The following MIPEP variants were observed in gnomAD, a reference collection of about 807,000 sequenced individuals.
The protein encoded by MIPEP is mitochondrial intermediate peptidase.
A neutral mutation model predicts 90.3 loss-of-function variants in MIPEP; 79 were observed. The observed-to-expected ratio is 0.87, with a 90% CI of 0.73 to 1.05. MIPEP has a LOEUF of 1.05. Among genes scored for constraint, MIPEP ranks in the 50% least tolerant of loss-of-function variants. The pLI is 0.00. For missense variants in MIPEP, 940 were observed against 905.6 expected (o/e 1.04, Z -0.49); for synonymous variants, 334 against 315.8 (o/e 1.06, Z -0.61).
chr13:23,764,365 T>TAG (rs1164121238), intron 16 of MIPEP, among the ~76,000 whole-genome samples: 4 of 152,184 alleles, frequency 2.6e-5, no homozygotes, highest in African/African-American at 9.6e-5. Flanking sequence ...GGCTCTTTGA[T>TAG]CATTTTTACT....
intron 14 of MIPEP, among the ~76,000 whole-genome samples, chr13:23,813,048 T>C (rs536877473): frequency 6.6e-6 from 1 of 152,318 alleles, no homozygotes; most frequent in Non-Finnish European, 1.5e-5. Flanking sequence ...AATTAATAAG[T>C]GTATTAATTG....
At chr13:23,765,202 G>A (rs905840956) in intron 16 of MIPEP, among the ~76,000 whole-genome samples, 6 of 152,082 alleles carry the variant, frequency 3.9e-5, no homozygotes, top group Admixed American at 3.3e-4. Flanking sequence ...CGGGGGGTGG[G>A]TCCTAGAACC....
At position 23,824,106 on chromosome 13, in the gene MIPEP, C is replaced by T. The variant is rs187928453; in HGVS notation, c.1653+12134G>A. On this transcript the variant is annotated intron_variant, in intron 14 of 18. Transcript: ENST00000382172. ...CATTTTGGAATGATTCTAAAAATAA[C>T]ACCAAAAAATACAAATGTTTGGTAA... 9.8e-5 allele frequency among the ~76,000 whole-genome samples: 15 copies of T among 152,290 alleles called. No individual in the cohort carries two copies. The East Asian group carries it at 2.7e-3, about 27-fold the overall frequency.
Position 23,773,240 on chromosome 13 carries a change from T to G in MIPEP, c.1849-13023A>C, listed in dbSNP as rs1952672563. ...ATGAAATCACACAATAGAGGTTTTTTGTGTCTAGTTTGTCGCACCGAGCGT... is the reference window on the plus strand; with the variant it reads ...ATGAAATCACACAATAGAGGTTTTTGGTGTCTAGTTTGTCGCACCGAGCGT... On this transcript the variant is annotated intron_variant, in intron 16 of 18. Coordinates refer to ENST00000382172, the MANE Select transcript of MIPEP (RefSeq NM_005932.4). Among the ~76,000 whole-genome samples, 3 of 152,226 alleles carry G rather than the reference T, an allele frequency of 2.0e-5. No homozygotes were observed. In the South Asian group the frequency reaches 6.2e-4, roughly 31 times the overall value.
intron 16 of MIPEP, among the ~76,000 whole-genome samples, chr13:23,790,589 AG>A (rs5802253): frequency 0.68 from 103,842 of 151,668 alleles, 36,014 homozygotes; most frequent in South Asian, 0.87. Flanking sequence ...AAGTAGAAGG[AG>A]GGGGAGGCAA....
chr13:23,866,357 C>T (rs1886971), intron 7 of MIPEP, among the ~76,000 whole-genome samples: 143,033 of 152,224 alleles, frequency 0.94, 67,229 homozygotes, highest in East Asian at 1. Context: ...GCACATCTTA[C>T]GTGATGATGT....
intron 14 of MIPEP, among the ~76,000 whole-genome samples, chr13:23,832,598 C>T (rs1868820508): frequency 2.6e-5 from 4 of 152,110 alleles, no homozygotes; most frequent in South Asian, 4.2e-4. Flanking sequence ...GGAGCAACGG[C>T]GAAGAAGTTA....
At chr13:23,765,243 C>A (rs1338589428) in intron 16 of MIPEP, among the ~76,000 whole-genome samples, 3 of 152,276 alleles carry the variant, frequency 2.0e-5, no homozygotes, top group Non-Finnish European at 2.9e-5. Context: ...GGTCACTATA[C>A]AGTAGTCCTC....
chr13:23,854,161 TA>T lies in MIPEP; in HGVS notation c.1106+4698del, dbSNP rs568747856. Reference sequence around the variant, plus strand: ...TAACACGGTGAAACCTCGTCTCTACTAAAAATACAAAAAATTAGCCAGGCTA... The same window carrying T: ...TAACACGGTGAAACCTCGTCTCTACTAAAATACAAAAAATTAGCCAGGCTA... On this transcript the variant is annotated intron_variant, in intron 10 of 18. Coordinates refer to ENST00000382172, the MANE Select transcript of MIPEP (RefSeq NM_005932.4). Among the ~76,000 whole-genome samples the T allele has an allele frequency of 2.2e-3, 318 of 145,422 alleles. 2 individuals carry two copies. The highest frequency in any genetic ancestry group is 7.1e-3 in the African/African-American group (283 of 39,912).
At chr13:23,747,788 T>C (rs1339674924) in intron 18 of MIPEP, among the ~76,000 whole-genome samples, 2 of 152,252 alleles carry the variant, frequency 1.3e-5, no homozygotes, top group South Asian at 4.1e-4. Context: ...TTGCCCGCAC[T>C]GGAGTGCAGT....
intron 15 of MIPEP, among the ~76,000 whole-genome samples, 161 bp downstream of exon 15, chr13:23,809,689 A>T (rs1003125062): frequency 3.9e-5 from 6 of 152,184 alleles, no homozygotes; most frequent in African/African-American, 1.4e-4. Context: ...CAGTGTGAGG[A>T]CTAAATGAGT....
In MIPEP at chr13:23,886,473, C is replaced by T; in HGVS notation, c.223G>A (p.Glu75Lys). ...LFGVPELSAP[E>K]GFHIAQEKAL... is the part of the protein sequence containing the mutation. ...TTTTCTTGTGCAATATGAAATCCTTCTGGGGCACTCAGCTCAGGAACTCCA... is the reference window on the plus strand; with the variant it reads ...TTTTCTTGTGCAATATGAAATCCTTTTGGGGCACTCAGCTCAGGAACTCCA... Residue 75 changes from glutamate (E) to lysine (K), a missense_variant, in exon 2 of 19, where the codon GAA becomes AAA. By Grantham distance (56) the Glu-to-Lys change is moderately conservative (BLOSUM62 1). Transcript: ENST00000382172. 6.2e-7 allele frequency: 1 copy of T among 1,600,494 alleles called. No individual in the cohort carries two copies. The highest frequency in any genetic ancestry group is 8.5e-7 in the Non-Finnish European group (1 of 1,172,920).
At chr13:23,860,212 G>C (rs575559922) in intron 9 of MIPEP, among the ~76,000 whole-genome samples, 1 of 152,214 alleles carries the variant, frequency 6.6e-6, no homozygotes, top group Non-Finnish European at 1.5e-5. Flanking sequence ...ACAGCGGAAG[G>C]TTAGGAAATG....
chr13:23,864,702 C>A (rs1041848457), intron 7 of MIPEP, among the ~76,000 whole-genome samples: 10 of 130,234 alleles, frequency 7.7e-5, no homozygotes, highest in African/African-American at 2.9e-4. Flanking sequence ...TGCCACTGTA[C>A]TCCAGCCTGG....
Position 23,786,535 on chromosome 13 carries a change from A to C in MIPEP, c.1848+19415T>G, listed in dbSNP as rs74463270. Among the ~76,000 whole-genome samples the C allele has an allele frequency of 9.9e-3, 1,507 of 152,316 alleles. 26 individuals are homozygous for C. Among genetic ancestry groups the C allele is most frequent in the African/African-American group, 0.032 (1,337 of 41,574 alleles). On this transcript the variant is annotated intron_variant, in intron 16 of 18. Transcript: ENST00000382172. ...AAATAGGGGAAATACGTATATCAAGAAGGATAAATGATTAACATTTTCATA... is the reference window on the plus strand; with the variant it reads ...AAATAGGGGAAATACGTATATCAAGCAGGATAAATGATTAACATTTTCATA...
chr13:23,840,412 T>C (rs1286363606), intron 11 of MIPEP, among the ~76,000 whole-genome samples: 1 of 152,238 alleles, frequency 6.6e-6, no homozygotes, highest in East Asian at 1.9e-4. Context: ...CTGACAACAG[T>C]GCTGGACCCC....
chr13:23,783,676 T>C (rs1013252461), intron 16 of MIPEP, among the ~76,000 whole-genome samples: 3 of 152,204 alleles, frequency 2.0e-5, no homozygotes, highest in Non-Finnish European at 2.9e-5. Flanking sequence ...TGTTTGCAGA[T>C]GACATGATTG....
intron 16 of MIPEP, among the ~76,000 whole-genome samples, chr13:23,783,399 C>T (rs1026101218): frequency 3.3e-5 from 5 of 152,190 alleles, no homozygotes; most frequent in Non-Finnish European, 1.5e-5. Flanking sequence ...CAAAATTCAA[C>T]AGCCTTCATG....
chr13:23,839,031 C>T (rs1161689017), intron 12 of MIPEP, among the ~76,000 whole-genome samples: 8 of 152,218 alleles, frequency 5.3e-5, no homozygotes, highest in Non-Finnish European at 1.2e-4. Context: ...CTTGACATTT[C>T]CCATCAAGCT....
Sources: allele counts gnomAD v4.1 joint callset (sites outside exome capture counted in the v4.1 genomes callset), GRCh38; gene constraint gnomAD v4.1.1; transcripts MANE v1.5; gene names NCBI Gene and HGNC (gene_info 2026-07-23, HGNC 2026-07-21).